The following PAPSS1 variants were observed in gnomAD, a reference collection of about 807,000 sequenced individuals.
The protein encoded by PAPSS1 is bifunctional 3'-phosphoadenosine 5'-phosphosulfate synthase 1.
In PAPSS1, 50 loss-of-function variants were observed where a neutral mutation model predicts 72.0. The ratio of observed to expected loss-of-function variants is 0.69; its 90% CI spans 0.55 to 0.88. PAPSS1 has a LOEUF of 0.88. Among genes scored for constraint, PAPSS1 ranks in the 40% least tolerant of loss-of-function variants. The probability of loss-of-function intolerance (pLI) is 0.00; values close to 1 mark genes in which losing one functional copy is unlikely to be tolerated. For missense variants in PAPSS1, 657 were observed against 782.2 expected (o/e 0.84, Z 1.91); for synonymous variants, 261 against 263.6 (o/e 0.99, Z 0.09).
At chr4:107,642,260 A>C (rs576156309) in intron 10 of PAPSS1, among the ~76,000 whole-genome samples, 2 of 152,290 alleles carry the variant, frequency 1.3e-5, no homozygotes, top group East Asian at 3.9e-4. Flanking sequence ...ATTTTTAAAA[A>C]TATTTTAACG....
chr4:107,646,310 TACACAC>T (rs770278061), intron 9 of PAPSS1, among the ~76,000 whole-genome samples: 1 of 99,990 alleles, frequency 1.0e-5, no homozygotes, highest in Non-Finnish European at 2.3e-5. Flanking sequence ...TATATATATA[TACACAC>T]ACACACACAC....
chr4:107,707,979 G>C (rs1428501183), intron 1 of PAPSS1, among the ~76,000 whole-genome samples: 6 of 152,064 alleles, frequency 3.9e-5, no homozygotes, highest in African/African-American at 1.4e-4. Context: ...CCACACATCT[G>C]AATCTTATTA....
chr4:107,619,419 C>G (rs901619213), intron 11 of PAPSS1, among the ~76,000 whole-genome samples: 2 of 152,224 alleles, frequency 1.3e-5, no homozygotes, highest in African/African-American at 4.8e-5. Flanking sequence ...TTTTCCTCCA[C>G]CTCATACTTA....
At chr4:107,639,380 A>C (rs1168115596) in intron 10 of PAPSS1, among the ~76,000 whole-genome samples, 1 of 152,210 alleles carries the variant, frequency 6.6e-6, no homozygotes, top group African/African-American at 2.4e-5. Flanking sequence ...TAAAATTCTG[A>C]AATCTAAAAC....
chr4:107,660,196 G>C, intron 5 of PAPSS1, 124 bp from the exon 6 acceptor site: 1 of 577,124 alleles, frequency 1.7e-6, no homozygotes, highest in Non-Finnish European at 3.0e-6. Context: ...AAGGCTGTGA[G>C]TGCTATGTTC....
At chr4:107,698,552 C>A (rs1350857322) in intron 2 of PAPSS1, among the ~76,000 whole-genome samples, 1 of 152,156 alleles carries the variant, frequency 6.6e-6, no homozygotes, top group African/African-American at 2.4e-5. Context: ...CAAACCACTG[C>A]CTCCATGAAT....
Position 107,644,982 on chromosome 4 carries a change from C to G in PAPSS1, c.1326G>C (p.Arg442Ser). 1 of 1,613,322 alleles carries G rather than the reference C, an allele frequency of 6.2e-7. No homozygotes were observed. Among genetic ancestry groups the G allele is most frequent in the Non-Finnish European group, 8.5e-7 (1 of 1,179,572 alleles). The part of the protein sequence containing the change: ...MQDTHKQLLE[R>S]GYRRPVLLLH... ...GGAGGAGGACAGGGCGCCGGTAGCC[C>G]CTCTCTAGAAGTTGCTTATGGGTAT... is the stretch of plus-strand genomic sequence containing the variant. Residue 442 changes from arginine to serine, a missense_variant, in exon 10 of 12, where the codon AGG (arginine) becomes AGC (serine). This residue lies in a region of PAPSS1 where 166 missense variants were observed against 228.3 expected (regional missense o/e 0.73). Transcript: ENST00000265174.
intron 11 of PAPSS1, among the ~76,000 whole-genome samples, chr4:107,627,250 T>C (rs1389378080): frequency 6.6e-6 from 1 of 152,206 alleles, no homozygotes; most frequent in Admixed American, 6.5e-5. Context: ...TCATAACTCA[T>C]CAAAATGGAA....
chr4:107,706,651 C>T (rs553754455), intron 1 of PAPSS1, among the ~76,000 whole-genome samples: 2 of 152,220 alleles, frequency 1.3e-5, no homozygotes, highest in East Asian at 1.9e-4. Flanking sequence ...TATTTTGATA[C>T]TTTTGGTAGT....
intron 9 of PAPSS1, among the ~76,000 whole-genome samples, chr4:107,645,640 A>G (rs1207897958): frequency 6.6e-6 from 1 of 152,204 alleles, no homozygotes; most frequent in Admixed American, 6.5e-5. Flanking sequence ...AGCAACAACA[A>G]TATCCCTTAA....
chr4:107,698,881 G>A (rs1370054143), intron 2 of PAPSS1, among the ~76,000 whole-genome samples: 1 of 151,930 alleles, frequency 6.6e-6, no homozygotes, highest in Non-Finnish European at 1.5e-5. Flanking sequence ...CTGAACTCAG[G>A]AGAAACTATT....
chr4:107,675,987 C>T (rs879667509), intron 5 of PAPSS1, among the ~76,000 whole-genome samples: 43 of 152,264 alleles, frequency 2.8e-4, no homozygotes, highest in Non-Finnish European at 5.0e-4. Flanking sequence ...TTCAACAATG[C>T]GTCACGCTAA....
chr4:107,614,620 A>C (rs549914682), intron 11 of PAPSS1, among the ~76,000 whole-genome samples: 1 of 152,162 alleles, frequency 6.6e-6, no homozygotes, highest in African/African-American at 2.4e-5. Context: ...TATTGAGACC[A>C]TTGTAGAGTC....
intron 11 of PAPSS1, among the ~76,000 whole-genome samples, chr4:107,624,714 T>C (rs1726049730): frequency 6.6e-6 from 1 of 152,212 alleles, no homozygotes; most frequent in South Asian, 2.1e-4. Context: ...TTAATGATCA[T>C]GAAGCAACTC....
At chr4:107,620,178 C>T (rs760580993) in intron 11 of PAPSS1, among the ~76,000 whole-genome samples, 1 of 152,122 alleles carries the variant, frequency 6.6e-6, no homozygotes, top group Non-Finnish European at 1.5e-5. Context: ...AGGCAACAAG[C>T]AATTCAGAGA....
At position 107,635,391 on chromosome 4, in the gene PAPSS1, C is replaced by T. The variant is rs547625359; in HGVS notation, c.1507-3531G>A. On this transcript the variant is annotated intron_variant, in intron 10 of 11. Coordinates refer to ENST00000265174, the MANE Select transcript of PAPSS1 (RefSeq NM_005443.5). Reference sequence around the variant, plus strand: ...TTGCTGATCTTTTTTCACTAGGGTACAGCTTAAAATAAACTAAAAGAATTA... The same window carrying T: ...TTGCTGATCTTTTTTCACTAGGGTATAGCTTAAAATAAACTAAAAGAATTA... 2.6e-5 allele frequency among the ~76,000 whole-genome samples: 4 copies of T among 152,272 alleles called. No homozygotes were observed. In the East Asian group the frequency reaches 7.7e-4, roughly 29 times the overall value.
intron 1 of PAPSS1, among the ~76,000 whole-genome samples, chr4:107,702,000 A>G (rs1398672819): frequency 6.6e-6 from 1 of 151,364 alleles, no homozygotes; most frequent in Admixed American, 6.6e-5. Flanking sequence ...AAAGCATAAA[A>G]TTACTTAGGC....
chr4:107,660,843 CT>C (rs1727161060), intron 5 of PAPSS1, among the ~76,000 whole-genome samples: 1 of 152,118 alleles, frequency 6.6e-6, no homozygotes, highest in Admixed American at 6.6e-5. Flanking sequence ...AAAATTGGCA[CT>C]GATGGAGGGC....
chr4:107,644,703 G>A (rs1726645513), intron 10 of PAPSS1, 99 bp downstream of exon 10: 4 of 1,136,218 alleles, frequency 3.5e-6, no homozygotes, highest in East Asian at 2.5e-5. Flanking sequence ...TTTGGAACAG[G>A]CCTACAGAGC....
Sources: gnomAD v4.1 joint callset for allele counts (sites outside exome capture counted in the v4.1 genomes callset) on GRCh38, gnomAD v4.1.1 for gene constraint, gnomAD v4.1.1 regional missense constraint, MANE v1.5 for transcripts, NCBI Gene and HGNC (gene_info 2026-07-23, HGNC 2026-07-21) for gene names.